ADAMTSL1: variants seen among roughly 807,000 people sequenced by gnomAD.
ADAMTSL1 encodes the protein ADAMTS like 1.
ADAMTSL1 carries 126 observed loss-of-function variants against 201.8 expected under a neutral mutation model. The observed-to-expected ratio is 0.62, with a 90% CI of 0.54 to 0.72. ADAMTSL1 has a LOEUF of 0.72. Among genes scored for constraint, ADAMTSL1 ranks in the 30% least tolerant of loss-of-function variants. The pLI is 0.00. For missense variants in ADAMTSL1, 2,679 were observed against 2,277.8 expected (o/e 1.18, Z -3.59); for synonymous variants, 1,121 against 903.4 (o/e 1.24, Z -4.32).
intron 1 of ADAMTSL1, among the ~76,000 whole-genome samples, chr9:17,980,485 T>A (rs534730279): frequency 1.3e-5 from 2 of 152,152 alleles, no homozygotes; most frequent in Non-Finnish European, 2.9e-5. Flanking sequence ...ACTTTTTATT[T>A]CTAGCACTTC....
intron 1 of ADAMTSL1, among the ~76,000 whole-genome samples, chr9:17,930,112 G>T (rs1826716894): frequency 6.6e-6 from 1 of 152,122 alleles, no homozygotes; most frequent in Admixed American, 6.6e-5. Flanking sequence ...TACTATAGTA[G>T]AAAAATCCTG....
chr9:18,188,053 A>G (rs1015449020), intron 2 of ADAMTSL1, among the ~76,000 whole-genome samples: 3 of 152,166 alleles, frequency 2.0e-5, no homozygotes, highest in Non-Finnish European at 2.9e-5. Context: ...AGCTAGGTAC[A>G]GAGGGACGGA....
chr9:17,926,589 A>C (rs1000405707), intron 1 of ADAMTSL1, among the ~76,000 whole-genome samples: 1 of 152,222 alleles, frequency 6.6e-6, no homozygotes. Context: ...TTCATTGTAG[A>C]ACTAATAGAT....
At chr9:18,881,409 A>G (rs934824945) in intron 23 of ADAMTSL1, among the ~76,000 whole-genome samples, 25 of 152,212 alleles carry the variant, frequency 1.6e-4, no homozygotes, top group African/African-American at 6.0e-4. Context: ...TAATTTTAAT[A>G]TTGCTGCATC....
At chr9:18,716,341 G>A (rs1467583753) in intron 14 of ADAMTSL1, among the ~76,000 whole-genome samples, 1 of 151,430 alleles carries the variant, frequency 6.6e-6, no homozygotes, top group Non-Finnish European at 1.5e-5. Context: ...CTACTCATCT[G>A]ACAAAGGGCT....
chr9:18,253,871 G>A (rs1831565820), intron 2 of ADAMTSL1, among the ~76,000 whole-genome samples: 1 of 152,226 alleles, frequency 6.6e-6, no homozygotes, highest in South Asian at 2.1e-4. Flanking sequence ...GACGAGGCAA[G>A]CACCAGCAGT....
At chr9:18,291,856 C>G (rs754630695) in intron 2 of ADAMTSL1, among the ~76,000 whole-genome samples, 1 of 151,858 alleles carries the variant, frequency 6.6e-6, no homozygotes, top group Non-Finnish European at 1.5e-5. Flanking sequence ...CTAAGAATGC[C>G]GTTGCCTGTC....
chr9:18,792,679 A>G (rs1259406527), intron 19 of ADAMTSL1, among the ~76,000 whole-genome samples: 1 of 152,234 alleles, frequency 6.6e-6, no homozygotes, highest in Non-Finnish European at 1.5e-5. Flanking sequence ...TTCCTGGGAC[A>G]TCCTAAAGCT....
intron 1 of ADAMTSL1, among the ~76,000 whole-genome samples, chr9:18,109,296 C>T (rs1035587167): frequency 3.3e-5 from 5 of 152,082 alleles, no homozygotes; most frequent in African/African-American, 9.7e-5. Context: ...GTAGATCTGC[C>T]AGGAATCCCT....
intron 14 of ADAMTSL1, among the ~76,000 whole-genome samples, chr9:18,720,926 G>A (rs1270142720): frequency 6.6e-6 from 1 of 152,182 alleles, no homozygotes; most frequent in East Asian, 1.9e-4. Context: ...CAGTGGGAAG[G>A]TTGTTTTCCA....
intron 2 of ADAMTSL1, among the ~76,000 whole-genome samples, chr9:18,219,462 G>A (rs867381317): frequency 4.6e-5 from 7 of 151,786 alleles, no homozygotes; most frequent in Non-Finnish European, 7.4e-5. Context: ...TCTGCCTTTC[G>A]GGTTCAAGCA....
At chr9:18,171,617 C>A (rs575582063) in intron 2 of ADAMTSL1, among the ~76,000 whole-genome samples, 67 of 152,048 alleles carry the variant, frequency 4.4e-4, no homozygotes, top group Non-Finnish European at 7.8e-4. Flanking sequence ...AATTTTCTCC[C>A]ATTCTATAGG....
intron 8 of ADAMTSL1, among the ~76,000 whole-genome samples, chr9:18,660,034 A>G (rs996239697): frequency 6.6e-6 from 1 of 152,104 alleles, no homozygotes; most frequent in African/African-American, 2.4e-5. Flanking sequence ...ATTACATAAT[A>G]GGGACATTGA....
chr9:18,189,246 G>C (rs945922519), intron 2 of ADAMTSL1, among the ~76,000 whole-genome samples: 1 of 152,148 alleles, frequency 6.6e-6, no homozygotes, highest in African/African-American at 2.4e-5. Flanking sequence ...TTCTAATTGA[G>C]ATCGTAGAGA....
At chr9:18,855,326 C>T (rs1381405134) in intron 23 of ADAMTSL1, among the ~76,000 whole-genome samples, 1 of 152,178 alleles carries the variant, frequency 6.6e-6, no homozygotes, top group Non-Finnish European at 1.5e-5. Context: ...TTTGCCAGAA[C>T]ATCCCTGTGC....
chr9:18,009,899 C>T (rs1586889769), intron 1 of ADAMTSL1, among the ~76,000 whole-genome samples: 1 of 152,036 alleles, frequency 6.6e-6, no homozygotes, highest in Non-Finnish European at 1.5e-5. Flanking sequence ...TCTTTAATTA[C>T]ATGATTTTCC....
intron 3 of ADAMTSL1, among the ~76,000 whole-genome samples, chr9:18,543,307 A>G (rs1484892275): frequency 6.6e-6 from 1 of 151,836 alleles, no homozygotes. Context: ...TAGGCAACAC[A>G]TCTGCAAAAA....
At chr9:18,427,570 A>C (rs1407361812) in intron 2 of ADAMTSL1, among the ~76,000 whole-genome samples, 3 of 152,204 alleles carry the variant, frequency 2.0e-5, no homozygotes, top group Non-Finnish European at 2.9e-5. Context: ...TGTCTAAGAA[A>C]TCTGCTTCTT....
chr9:18,791,274 C>G (rs1822027113), intron 19 of ADAMTSL1, among the ~76,000 whole-genome samples: 1 of 152,292 alleles, frequency 6.6e-6, no homozygotes, highest in African/African-American at 2.4e-5. Flanking sequence ...AACTACTGCT[C>G]CGCCTAGTGG....
Sources: allele counts gnomAD v4.1 joint callset (sites outside exome capture counted in the v4.1 genomes callset), GRCh38; gene constraint gnomAD v4.1.1; transcripts MANE v1.5; gene names NCBI Gene and HGNC (gene_info 2026-07-23, HGNC 2026-07-21).